Variants in KCND3 observed in about 807,000 individuals in gnomAD.
KCND3 encodes A-type voltage-gated potassium channel KCND3.
Under a neutral mutation model 51.1 loss-of-function variants are expected in KCND3, and 9 were observed. The observed-to-expected ratio is 0.18, with a 90% CI of 0.11 to 0.31. KCND3 has a LOEUF of 0.31. KCND3 is among the 10% of genes least tolerant of loss of function. KCND3 has a pLI of 1.00. For missense variants in KCND3, 526 were observed against 903.8 expected, an observed-to-expected ratio of 0.58 and a Z score of 5.36; for synonymous variants, 349 against 368.0, an observed-to-expected ratio of 0.95 and a Z score of 0.59.
At chr1:111,932,392 G>GT (rs570289325) in intron 2 of KCND3, among the ~76,000 whole-genome samples, 1 of 152,294 alleles carries the variant, frequency 6.6e-6, no homozygotes, top group South Asian at 2.1e-4. Context: ...TTGTTGGTTT[G>GT]TTTTTACCAT....
Position 111,930,159 on chromosome 1 carries a change from G to GT in KCND3, c.1106+51461dup, listed in dbSNP as rs769416391. 2.7e-3 allele frequency among the ~76,000 whole-genome samples: 397 copies of GT among 145,786 alleles called. 4 individuals are homozygous for GT. The highest frequency in any genetic ancestry group is 6.4e-3 in the African/African-American group (255 of 40,044). ...ATGCAATTCACTGTTTTCGGTTTTTGTTTTTTTTTTTTCTAAGCAGTAAGT... is the reference window on the plus strand; with the variant it reads ...ATGCAATTCACTGTTTTCGGTTTTTGTTTTTTTTTTTTTCTAAGCAGTAAGT... On this transcript the variant is annotated intron_variant, in intron 2 of 7. Coordinates refer to ENST00000302127, the MANE Select transcript of KCND3 (RefSeq NM_001378969.1).
At chr1:111,974,956 G>C (rs1040333309) in intron 2 of KCND3, among the ~76,000 whole-genome samples, 5 of 152,326 alleles carry the variant, frequency 3.3e-5, no homozygotes, top group African/African-American at 1.2e-4. Context: ...GCACCCAAAA[G>C]GCTCAAATCC....
chr1:111,984,473 A>C (rs1168899583), intron 1 of KCND3, among the ~76,000 whole-genome samples: 1 of 152,182 alleles, frequency 6.6e-6, no homozygotes, highest in Admixed American at 6.5e-5. Flanking sequence ...TACTGCCCTC[A>C]TGAAGGCCCA....
In KCND3 at chr1:111,966,422, T is replaced by C. The variant is rs147331417; in HGVS notation, c.1106+15199A>G. On this transcript the variant is annotated intron_variant, in intron 2 of 7. Coordinates refer to ENST00000302127, the MANE Select transcript of KCND3 (RefSeq NM_001378969.1). ...GGAGGAAACCAGCCACTAGTGGAGG[T>C]ATCAGTAGGGCTGGGGTGGTAGGAG... Among the ~76,000 whole-genome samples the C allele has an allele frequency of 3.4e-3, 516 of 151,976 alleles. 8 individuals carry two copies. The highest frequency in any genetic ancestry group is 0.012 in the African/African-American group (487 of 41,444).
Position 111,835,846 on chromosome 1 carries a change from T to C in KCND3, c.1107-48740A>G, listed in dbSNP as rs113845401. On this transcript the variant is annotated intron_variant, in intron 2 of 7. Transcript: ENST00000302127. The stretch of plus-strand genomic sequence containing the variant: ...TGCTGCTCTGCCTATGGAGGAGCCA[T>C]TCTTTTATTCCTTTACTTTCTTAAT... Among the ~76,000 whole-genome samples, 831 of 152,328 alleles carry C rather than the reference T, an allele frequency of 5.5e-3. 9 individuals are homozygous for C. The highest frequency in any genetic ancestry group is 0.019 in the African/African-American group (789 of 41,576).
intron 2 of KCND3, among the ~76,000 whole-genome samples, chr1:111,828,846 C>T (rs985490361): frequency 7.2e-5 from 11 of 152,172 alleles, no homozygotes; most frequent in Admixed American, 5.9e-4. Flanking sequence ...TGAGTTTTAC[C>T]ATGCTCACAG....
chr1:111,849,423 G>A (rs901521826), intron 2 of KCND3, among the ~76,000 whole-genome samples: 3 of 152,202 alleles, frequency 2.0e-5, no homozygotes, highest in Non-Finnish European at 4.4e-5. Flanking sequence ...CTGCCCCCTG[G>A]GGTGGGTCTC....
chr1:111,780,164 C>T lies in KCND3; in HGVS notation c.1461+61G>A. The T allele has an allele frequency of 1.4e-6, 2 of 1,460,558 alleles. No individual in the cohort carries two copies. The highest frequency in any genetic ancestry group is 1.9e-6 in the Non-Finnish European group (2 of 1,065,108). The allele number at this position is 1,460,558 out of a possible 1,614,324, so 90.5% of individuals were successfully genotyped here. On this transcript the variant is annotated intron_variant, in intron 5 of 7. Transcript: ENST00000302127. This position sits in a 1 kb window ranked among gnomAD's most constrained non-coding sequence, Gnocchi z 4.2. ...CTGGCCCAGAGTGAAGATGTGAGTA[C>T]AGCCTTAGAAAAGGGTCAGGGTCAG... is the stretch of plus-strand genomic sequence containing the variant.
At chr1:111,951,436 G>A (rs886449634) in intron 2 of KCND3, among the ~76,000 whole-genome samples, 1 of 152,116 alleles carries the variant, frequency 6.6e-6, no homozygotes, top group Admixed American at 6.5e-5. Context: ...TTTAGAATTG[G>A]GAACTGCTTA....
chr1:111,883,257 C>T (rs929877765), intron 2 of KCND3, among the ~76,000 whole-genome samples: 6 of 152,232 alleles, frequency 3.9e-5, no homozygotes, highest in Non-Finnish European at 8.8e-5. Flanking sequence ...TCATATCCAC[C>T]TTGTAGGTTA....
At chr1:111,987,819 T>C (rs1675373315) in intron 1 of KCND3, among the ~76,000 whole-genome samples, 1 of 152,086 alleles carries the variant, frequency 6.6e-6, no homozygotes, top group Non-Finnish European at 1.5e-5. Flanking sequence ...TTTTTGTTTT[T>C]GGCAGAAGAG....
At chr1:111,913,468 C>T (rs1382717808) in intron 2 of KCND3, among the ~76,000 whole-genome samples, 1 of 152,174 alleles carries the variant, frequency 6.6e-6, no homozygotes, top group African/African-American at 2.4e-5. Context: ...GCCAGACTTA[C>T]CCTAAGAGAT....
At position 111,775,990 on chromosome 1, in the gene KCND3, G is replaced by A; in HGVS notation, c.*87C>T. 1 of 1,369,350 alleles carries A rather than the reference G, an allele frequency of 7.3e-7. No individual in the cohort carries two copies. The allele number at this position is 1,369,350 out of a possible 1,614,324, so 84.8% of individuals were successfully genotyped here. Reference sequence around the variant, plus strand: ...GGCAGGCAGAAATAGTGGGGAAAGGGGGGAGGGAGTGGTCTCAGTGACCAC... The same window carrying A: ...GGCAGGCAGAAATAGTGGGGAAAGGAGGGAGGGAGTGGTCTCAGTGACCAC... On this transcript the variant is annotated 3_prime_UTR_variant, in exon 8 of 8. Coordinates refer to ENST00000302127, the MANE Select transcript of KCND3 (RefSeq NM_001378969.1).
In KCND3 at chr1:111,981,986, C is replaced by T. The variant is rs145784436; in HGVS notation, c.741G>A (p.Ala247=). The T allele has an allele frequency of 6.2e-6, 10 of 1,613,922 alleles. No individual in the cohort carries two copies. Among genetic ancestry groups the T allele is most frequent in the Middle Eastern group, 1.6e-4 (1 of 6,062 alleles). ...FTVEYLLRLF[A]APSRYRFIRS... is the part of the protein sequence containing the mutation. Reference sequence around the variant, plus strand: ...GGATGAAGCGGTAGCGGCTGGGAGCCGCGAAGAGCCGCAGGAGGTACTCCA... The same window carrying T: ...GGATGAAGCGGTAGCGGCTGGGAGCTGCGAAGAGCCGCAGGAGGTACTCCA... The change falls in exon 2 of 8, where the codon GCG becomes GCA. Residue 247 remains alanine, a synonymous_variant. Transcript: ENST00000302127. This position sits in a 1 kb window ranked among gnomAD's most constrained non-coding sequence, Gnocchi z 6.2.
intron 2 of KCND3, among the ~76,000 whole-genome samples, chr1:111,821,667 C>A (rs764196346): frequency 2.0e-5 from 3 of 152,156 alleles, no homozygotes; most frequent in East Asian, 1.9e-4. Flanking sequence ...CTCCTCACCA[C>A]CCCCAACTGG....
chr1:111,814,202 G>A (rs1665980380), intron 2 of KCND3, among the ~76,000 whole-genome samples: 1 of 152,050 alleles, frequency 6.6e-6, no homozygotes, highest in Non-Finnish European at 1.5e-5. Flanking sequence ...GTCAGACACC[G>A]GGTCCAGAAA....
chr1:111,959,227 C>T (rs983834412), intron 2 of KCND3, among the ~76,000 whole-genome samples: 9 of 152,178 alleles, frequency 5.9e-5, no homozygotes, highest in Admixed American at 2.6e-4. Context: ...GAAGTGCTTT[C>T]CCATGTTCAC....
chr1:111,925,061 G>A (rs1263460183), intron 2 of KCND3, among the ~76,000 whole-genome samples: 1 of 152,194 alleles, frequency 6.6e-6, no homozygotes, highest in East Asian at 1.9e-4. Context: ...CACCTCAAAT[G>A]CCCCTTTGAC....
At chr1:111,936,678 C>T (rs777480597) in intron 2 of KCND3, among the ~76,000 whole-genome samples, 18 of 152,208 alleles carry the variant, frequency 1.2e-4, no homozygotes, top group Admixed American at 3.3e-4. Flanking sequence ...TGAGAGGCCA[C>T]TGAAAGTCCT....
Sources: allele counts gnomAD v4.1 joint callset (sites outside exome capture counted in the v4.1 genomes callset), GRCh38; gene constraint gnomAD v4.1.1; non-coding constraint Gnocchi (gnomAD v3.1); transcripts MANE v1.5; gene names NCBI Gene and HGNC (gene_info 2026-07-23, HGNC 2026-07-21).